Variants in DLG5 observed in about 807,000 individuals in gnomAD.
DLG5 encodes the protein disks large homolog 5.
A neutral mutation model predicts 189.8 loss-of-function variants in DLG5; 48 were observed. That is an observed-to-expected ratio of 0.25 (90% CI 0.20 to 0.32). DLG5 has a LOEUF of 0.32. Ranked by LOEUF, DLG5 falls within the 10% of genes least tolerant of loss-of-function variation. The probability of loss-of-function intolerance (pLI) is 1.00; values close to 1 mark genes in which losing one functional copy is unlikely to be tolerated. For missense variants in DLG5, 2,160 were observed against 2,544.7 expected (o/e 0.85, Z 3.25); for synonymous variants, 1,016 against 1,054.1 (o/e 0.96, Z 0.70).
chr10:77,866,193 A>T (rs1844675442), intron 2 of DLG5, among the ~76,000 whole-genome samples: 1 of 152,196 alleles, frequency 6.6e-6, no homozygotes, highest in East Asian at 1.9e-4. Context: ...AGCCAGGGCC[A>T]GCCCCACCAG....
At chr10:77,890,587 C>A (rs748903442) in intron 1 of DLG5, among the ~76,000 whole-genome samples, 55 of 152,210 alleles carry the variant, frequency 3.6e-4, no homozygotes, top group Non-Finnish European at 6.8e-4. Context: ...GAGGCCGAGG[C>A]ATGCAGATCA....
intron 9 of DLG5, among the ~76,000 whole-genome samples, chr10:77,832,050 A>G (rs1490011377): frequency 6.6e-6 from 1 of 152,188 alleles, no homozygotes; most frequent in African/African-American, 2.4e-5. Context: ...TCTACCAAAA[A>G]TACAAAAATT....
intron 18 of DLG5, 114 bp from the exon 19 acceptor site, chr10:77,817,210 T>C: frequency 1.0e-6 from 1 of 955,576 alleles, no homozygotes; most frequent in East Asian, 2.5e-5. Flanking sequence ...GCCCTGCTGT[T>C]TATTCCCAAG....
Position 77,926,070 on chromosome 10 carries a change from C to T in DLG5, c.304+147G>A. 1 of 863,376 alleles carries T rather than the reference C, an allele frequency of 1.2e-6. No homozygotes were observed. Among genetic ancestry groups the T allele is most frequent in the South Asian group, 4.6e-5 (1 of 21,526 alleles). 53.5% of individuals were successfully genotyped at this position (863,376 alleles called of 1,614,324 possible). ...GCGGCGGGACTTCGGGATCCGCGCACCGCCGCCTCCCCAACTGGGCCAGAG... is the reference window on the plus strand; with the variant it reads ...GCGGCGGGACTTCGGGATCCGCGCATCGCCGCCTCCCCAACTGGGCCAGAG... On this transcript the variant is annotated intron_variant, in intron 1 of 31. Coordinates refer to ENST00000372391, the MANE Select transcript of DLG5 (RefSeq NM_004747.4). The surrounding 1 kb of genome is among the most constrained non-coding windows in gnomAD (Gnocchi z 5.2).
intron 20 of DLG5, 128 bp from the exon 21 acceptor site, chr10:77,812,505 G>C (rs1041757952): frequency 7.4e-6 from 8 of 1,079,576 alleles, no homozygotes; most frequent in Non-Finnish European, 1.0e-5. Flanking sequence ...CTCCCATTGT[G>C]ACACAGCTAC....
intron 1 of DLG5, among the ~76,000 whole-genome samples, chr10:77,876,191 T>A (rs1440566262): frequency 6.6e-6 from 1 of 151,902 alleles, no homozygotes; most frequent in Non-Finnish European, 1.5e-5. Context: ...AAAATCATAA[T>A]GATGTGGATT....
intron 6 of DLG5, 36 bp downstream of exon 6, chr10:77,843,411 C>A: frequency 6.2e-7 from 1 of 1,605,712 alleles, no homozygotes; most frequent in Non-Finnish European, 8.5e-7. Flanking sequence ...CTTATAGGAC[C>A]CATTTGCCCC....
chr10:77,835,962 A>AGCC, intron 7 of DLG5, 40 bp from the exon 8 acceptor site: 1 of 1,584,004 alleles, frequency 6.3e-7, no homozygotes. Flanking sequence ...GAGGTTGCTG[A>AGCC]GCCTCATGGA....
chr10:77,821,394 A>G lies in DLG5; in HGVS notation c.3090T>C (p.Thr1030=). 1 of 1,612,636 alleles carries G rather than the reference A, an allele frequency of 6.2e-7. No homozygotes were observed. Among genetic ancestry groups the G allele is most frequent in the South Asian group, 1.1e-5 (1 of 91,084 alleles). ...CCAGAGTGGCTTCTGACTCGGAGCT[A>G]GTCTCCAGCCTGTGCTGGAACTTAA... ...DSIKFQHRLE[T]SSESEATLVG... The change falls in exon 15 of 32, where the codon ACT becomes ACC. Residue 1030 remains threonine (T), a synonymous_variant. Transcript: ENST00000372391.
At chr10:77,923,659 G>A (rs1470471159) in intron 1 of DLG5, among the ~76,000 whole-genome samples, 1 of 152,156 alleles carries the variant, frequency 6.6e-6, no homozygotes, top group Non-Finnish European at 1.5e-5. Context: ...TTGCGGGGCT[G>A]AGGCAGGAGG....
intron 1 of DLG5, among the ~76,000 whole-genome samples, chr10:77,885,622 T>G (rs1336905432): frequency 6.6e-6 from 1 of 152,162 alleles, no homozygotes; most frequent in Non-Finnish European, 1.5e-5. Flanking sequence ...GCAGGCAGTC[T>G]CATCTCAATG....
chr10:77,920,353 T>C (rs559669103), intron 1 of DLG5, among the ~76,000 whole-genome samples: 9 of 152,320 alleles, frequency 5.9e-5, no homozygotes, highest in Non-Finnish European at 1.2e-4. Flanking sequence ...GTCTGATCAT[T>C]ACTACCTAGA....
intron 1 of DLG5, among the ~76,000 whole-genome samples, chr10:77,906,854 G>A (rs1283303023): frequency 1.3e-5 from 2 of 151,856 alleles, no homozygotes; most frequent in African/African-American, 2.4e-5. Context: ...TTGAACTCCC[G>A]ACCTCAGGTG....
intron 3 of DLG5, among the ~76,000 whole-genome samples, chr10:77,855,147 C>T (rs775753273): frequency 2.0e-5 from 3 of 152,152 alleles, no homozygotes; most frequent in East Asian, 1.9e-4. Flanking sequence ...AAAACCCAAA[C>T]GTGAGGATTT....
rs749955674 is a variant in DLG5, at chr10:77,796,637, T to C, written c.5165-43A>G. On this transcript the variant is annotated intron_variant, in intron 27 of 31. Coordinates refer to ENST00000372391, the MANE Select transcript of DLG5 (RefSeq NM_004747.4). The surrounding 1 kb of genome is among the most constrained non-coding windows in gnomAD (Gnocchi z 5.2). The stretch of plus-strand genomic sequence containing the variant: ...GCAGCGTCACGGACCCAGCTTGGAG[T>C]GGAGGACCTGAGTGGGGCTGGGGAA... The C allele has an allele frequency of 8.7e-6, 14 of 1,610,106 alleles. No individual in the cohort carries two copies. The highest frequency in any genetic ancestry group is 1.1e-5 in the Non-Finnish European group (13 of 1,177,386).
At chr10:77,870,810 A>C (rs1844867341) in intron 1 of DLG5, among the ~76,000 whole-genome samples, 1 of 151,902 alleles carries the variant, frequency 6.6e-6, no homozygotes, top group Non-Finnish European at 1.5e-5. Flanking sequence ...CAGGGGAGGG[A>C]GATGCACTGT....
chr10:77,921,548 C>A (rs1846534478), intron 1 of DLG5, among the ~76,000 whole-genome samples: 1 of 152,218 alleles, frequency 6.6e-6, no homozygotes, highest in African/African-American at 2.4e-5. Context: ...CCTCTGCATC[C>A]CCAATTCCCT....
At chr10:77,846,837 G>A (rs1172688194) in intron 5 of DLG5, 14 of 409,642 alleles carry the variant, frequency 3.4e-5, no homozygotes, top group Non-Finnish European at 3.4e-5. Flanking sequence ...GGTGGCAGCC[G>A]CGGGGAGACG....
chr10:77,834,751 G>A (rs1359773887), intron 8 of DLG5, among the ~76,000 whole-genome samples: 5 of 152,064 alleles, frequency 3.3e-5, no homozygotes, highest in African/African-American at 7.2e-5. Context: ...GAGCCTGGCT[G>A]AGGACTGCCC....
Sources: gnomAD v4.1 joint callset for allele counts (sites outside exome capture counted in the v4.1 genomes callset) on GRCh38, gnomAD v4.1.1 for gene constraint, Gnocchi (gnomAD v3.1) non-coding constraint, MANE v1.5 for transcripts, NCBI Gene and HGNC (gene_info 2026-07-23, HGNC 2026-07-21) for gene names.